The following PDZRN3 variants were observed in gnomAD, a reference collection of about 807,000 sequenced individuals.
The protein encoded by PDZRN3 is E3 ubiquitin-protein ligase PDZRN3.
PDZRN3 carries 38 observed loss-of-function variants against 85.7 expected under a neutral mutation model. The observed-to-expected ratio is 0.44, with a 90% CI of 0.34 to 0.58. The LOEUF (loss-of-function observed/expected upper bound fraction) is 0.58. Ranked by LOEUF, PDZRN3 falls within the 20% of genes least tolerant of loss-of-function variation. PDZRN3 has a pLI of 0.01. For synonymous variants in PDZRN3, 759 were observed against 638.0 expected, an observed-to-expected ratio of 1.19 and a Z score of -2.86; for missense variants, 1,629 against 1,506.4, an observed-to-expected ratio of 1.08 and a Z score of -1.35.
chr3:73,515,330 CA>C lies in PDZRN3; in HGVS notation c.918+87023del, dbSNP rs921318844. Among the ~76,000 whole-genome samples, 18 of 152,192 alleles carry C rather than the reference CA, an allele frequency of 1.2e-4. No individual in the cohort carries two copies. The East Asian group carries it at 2.1e-3, about 18-fold the overall frequency. On this transcript the variant is annotated intron_variant, in intron 3 of 9. Coordinates refer to ENST00000263666, the MANE Select transcript of PDZRN3 (RefSeq NM_015009.3). The stretch of plus-strand genomic sequence containing the variant: ...AGCTGGGACTACAGGCACCCGCTAC[CA>C]TGCCCAGCTAATTTTTTTGTATTTT...
At chr3:73,447,356 C>T (rs1702771251) in intron 3 of PDZRN3, among the ~76,000 whole-genome samples, 1 of 152,022 alleles carries the variant, frequency 6.6e-6, no homozygotes, top group South Asian at 2.1e-4. Flanking sequence ...TTGCCTGTCT[C>T]CTCCCTCTCC....
intron 3 of PDZRN3, among the ~76,000 whole-genome samples, chr3:73,598,238 G>A (rs1457508239): frequency 6.6e-6 from 1 of 152,106 alleles, no homozygotes; most frequent in African/African-American, 2.4e-5. Context: ...GTTCCTTTAA[G>A]AAATCTGGTG....
chr3:73,611,066 A>T (rs1702678177), intron 1 of PDZRN3, among the ~76,000 whole-genome samples: 1 of 152,186 alleles, frequency 6.6e-6, no homozygotes, highest in Admixed American at 6.5e-5. Context: ...ATTCAGACCC[A>T]TACTTCCCAA....
At chr3:73,599,053 A>T (rs1260709346) in intron 3 of PDZRN3, among the ~76,000 whole-genome samples, 1 of 152,204 alleles carries the variant, frequency 6.6e-6, no homozygotes, top group Admixed American at 6.5e-5. Context: ...TAAAATAACA[A>T]GCTTTTTATA....
In PDZRN3 at chr3:73,624,657, G is replaced by A. The variant is rs753393030; in HGVS notation, c.169C>T (p.Arg57Cys). 2.0e-6 allele frequency: 3 copies of A among 1,531,166 alleles called. No individual in the cohort carries two copies. The highest frequency in any genetic ancestry group is 2.6e-6 in the Non-Finnish European group (3 of 1,143,562). 94.8% of individuals were successfully genotyped at this position (1,531,166 alleles called of 1,614,324 possible). The stretch of plus-strand genomic sequence containing the variant: ...AGCTCTTTGGCCGACAGGCGACCGC[G>A]GCAGCGCGCCGGGCAGCTGCCCTCC... ...VQEGSCPARC[R>C]GRLSAKELNH... The change falls in exon 1 of 10, where the codon CGC becomes TGC. Residue 57 changes from arginine to cysteine, a missense_variant. Physicochemically the swap from Arg to Cys is radical, Grantham distance 180. Transcript: ENST00000263666.
Position 73,587,098 on chromosome 3 carries a change from C to T in PDZRN3, c.918+15256G>A, listed in dbSNP as rs190891893. On this transcript the variant is annotated intron_variant, in intron 3 of 9. Coordinates refer to ENST00000263666, the MANE Select transcript of PDZRN3 (RefSeq NM_015009.3). ...ATATCAGAAAGACATCTGCTGTTAA[C>T]ACGAAGGCACAGCCCTATCCTCCAA... is the stretch of plus-strand genomic sequence containing the variant. 2.0e-5 allele frequency among the ~76,000 whole-genome samples: 3 copies of T among 152,310 alleles called. No homozygotes were observed. The East Asian group carries it at 5.8e-4, about 29-fold the overall frequency.
chr3:73,600,337 A>ACACACACACTCTCTCT (rs34405662), intron 3 of PDZRN3, among the ~76,000 whole-genome samples: 1,258 of 100,008 alleles, frequency 0.013, 16 homozygotes, highest in Middle Eastern at 0.041. Flanking sequence ...ACACACACAC[A>ACACACACACTCTCTCT]CTCTCTCTCT....
intron 3 of PDZRN3, among the ~76,000 whole-genome samples, chr3:73,510,099 A>G (rs1423583429): frequency 6.6e-6 from 1 of 152,210 alleles, no homozygotes. Context: ...GTATTTTGAT[A>G]ATCAGGAAAA....
Position 73,384,237 on chromosome 3 carries a change from T to C in PDZRN3, c.2329A>G (p.Asn777Asp), listed in dbSNP as rs1701295985. The change falls in exon 10 of 10, where the codon AAC becomes GAC. Residue 777 changes from asparagine to aspartate, a missense_variant. Physicochemically the swap from Asn to Asp is conservative, Grantham distance 23. Coordinates refer to ENST00000263666, the MANE Select transcript of PDZRN3 (RefSeq NM_015009.3). The part of the protein sequence containing the change: ...TPLTLEISPD[N>D]SLRRAAEGIS... The stretch of plus-strand genomic sequence containing the variant: ...CCCTCCGCCGCTCTCCTCAAGGAGT[T>C]GTCGGGGGAGATCTCCAGGGTGAGC... 7 of 1,613,624 alleles carry C rather than the reference T, an allele frequency of 4.3e-6. No homozygotes were observed. The highest frequency in any genetic ancestry group is 2.2e-5 in the East Asian group (1 of 44,836).
At chr3:73,515,638 C>T (rs1383445349) in intron 3 of PDZRN3, among the ~76,000 whole-genome samples, 1 of 152,142 alleles carries the variant, frequency 6.6e-6, no homozygotes, top group Non-Finnish European at 1.5e-5. Context: ...AAGCAGAGCC[C>T]AGGATATATC....
At chr3:73,403,687 T>G (rs1362978867) in intron 4 of PDZRN3, among the ~76,000 whole-genome samples, 1 of 152,160 alleles carries the variant, frequency 6.6e-6, no homozygotes, top group Non-Finnish European at 1.5e-5. Flanking sequence ...ATGCAGTACT[T>G]AGATGAGGCA....
chr3:73,458,641 A>G (rs1703036956), intron 3 of PDZRN3, among the ~76,000 whole-genome samples: 1 of 150,488 alleles, frequency 6.6e-6, no homozygotes, highest in East Asian at 1.9e-4. Context: ...TTTGAGTTGT[A>G]TTAGTCCGTT....
At chr3:73,509,939 A>C (rs1704133992) in intron 3 of PDZRN3, among the ~76,000 whole-genome samples, 3 of 152,204 alleles carry the variant, frequency 2.0e-5, no homozygotes, top group African/African-American at 7.2e-5. Flanking sequence ...ATCGTTGCAA[A>C]TGTTTTGAAA....
chr3:73,505,935 A>C (rs976195689), intron 3 of PDZRN3, among the ~76,000 whole-genome samples: 2 of 152,168 alleles, frequency 1.3e-5, no homozygotes, highest in Non-Finnish European at 2.9e-5. Flanking sequence ...TTGGATGGTC[A>C]AGTGAACTCA....
intron 3 of PDZRN3, among the ~76,000 whole-genome samples, chr3:73,530,476 G>A (rs541515034): frequency 2.6e-5 from 4 of 152,214 alleles, no homozygotes; most frequent in African/African-American, 4.8e-5. Flanking sequence ...AATTCTTGGC[G>A]CTTTGAGAAT....
intron 3 of PDZRN3, among the ~76,000 whole-genome samples, chr3:73,537,658 C>T (rs1287405785): frequency 7.2e-5 from 11 of 152,014 alleles, no homozygotes; most frequent in South Asian, 2.1e-4. Context: ...CTCACTCTGT[C>T]GCCCAGGCTG....
chr3:73,414,095 C>G (rs1013955197), intron 3 of PDZRN3, among the ~76,000 whole-genome samples: 1 of 152,100 alleles, frequency 6.6e-6, no homozygotes, highest in African/African-American at 2.4e-5. Flanking sequence ...AAAAATAGTA[C>G]AGTTAAGACA....
chr3:73,427,930 G>A (rs1702350637), intron 3 of PDZRN3, among the ~76,000 whole-genome samples: 1 of 152,156 alleles, frequency 6.6e-6, no homozygotes, highest in Non-Finnish European at 1.5e-5. Context: ...AGAGTGGGTC[G>A]GGGGATTTTC....
chr3:73,538,130 C>G (rs79591707), intron 3 of PDZRN3, among the ~76,000 whole-genome samples: 1 of 152,158 alleles, frequency 6.6e-6, no homozygotes, highest in Non-Finnish European at 1.5e-5. Flanking sequence ...TTTCCCAGGC[C>G]TGGGCCATTA....
Sources: gnomAD v4.1 joint callset for allele counts (sites outside exome capture counted in the v4.1 genomes callset) on GRCh38, gnomAD v4.1.1 for gene constraint, MANE v1.5 for transcripts, NCBI Gene and HGNC (gene_info 2026-07-23, HGNC 2026-07-21) for gene names.